The following MYT1L variants were observed in gnomAD, a reference collection of about 807,000 sequenced individuals.
MYT1L encodes the protein myelin transcription factor 1 like.
MYT1L carries 12 observed loss-of-function variants against 126.7 expected under a neutral mutation model. The observed-to-expected ratio is 0.09, with a 90% confidence interval of 0.06 to 0.15. The LOEUF (loss-of-function observed/expected upper bound fraction) is 0.15. MYT1L is among the 10% of genes least tolerant of loss of function. The pLI, the probability that MYT1L is intolerant of heterozygous loss-of-function variation, is 1.00. For synonymous variants in MYT1L, 541 were observed against 604.2 expected, an observed-to-expected ratio of 0.90 and a Z score of 1.53; for missense variants, 979 against 1,585.2, an observed-to-expected ratio of 0.62 and a Z score of 6.49.
rs113480628 is a variant in MYT1L, at chr2:1,801,553, A to G, written c.3276+143T>C. On this transcript the variant is annotated intron_variant, in intron 23 of 24. Coordinates refer to ENST00000647738, the MANE Select transcript of MYT1L (RefSeq NM_001303052.2). This position sits in a 1 kb window ranked among gnomAD's most constrained non-coding sequence, Gnocchi z 4.2. Reference sequence around the variant, plus strand: ...CACGGAATGGTGTCTGCGGAAGACCAATATCATAAGGTGGAAAAATAAAGG... The same window carrying G: ...CACGGAATGGTGTCTGCGGAAGACCGATATCATAAGGTGGAAAAATAAAGG... The G allele has an allele frequency of 1.0e-3, 620 of 616,860 alleles. 5 individuals carry two copies. Among genetic ancestry groups the G allele is most frequent in the African/African-American group, 9.7e-3 (528 of 54,260 alleles). 38.2% of individuals were successfully genotyped at this position (616,860 alleles called of 1,614,324 possible).
intron 5 of MYT1L, among the ~76,000 whole-genome samples, chr2:1,980,212 T>TTA (rs1265751567): frequency 6.8e-6 from 1 of 147,720 alleles, no homozygotes; most frequent in Non-Finnish European, 1.5e-5. Context: ...AAACAAATAT[T>TTA]TATATATATA....
In MYT1L at chr2:2,015,698, A is replaced by G. The variant is rs184789218; in HGVS notation, c.-157-18351T>C. Among the ~76,000 whole-genome samples, 640 of 152,318 alleles carry G rather than the reference A, an allele frequency of 4.2e-3. 7 individuals are homozygous for G. Among genetic ancestry groups the G allele is most frequent in the African/African-American group, 0.015 (611 of 41,562 alleles). On this transcript the variant is annotated intron_variant, in intron 4 of 24. Coordinates refer to ENST00000647738, the MANE Select transcript of MYT1L (RefSeq NM_001303052.2). ...AGGTGGAAGGAGAAGCCTGTGAGGC[A>G]AGGGAAGGAGGGGGCGGGAGGAACT...
intron 8 of MYT1L, among the ~76,000 whole-genome samples, chr2:1,974,057 G>A (rs1242267822): frequency 6.6e-6 from 1 of 152,246 alleles, no homozygotes; most frequent in Non-Finnish European, 1.5e-5. Context: ...CACCGGGACA[G>A]CTTCTGTCTT....
At chr2:1,907,131 TA>T (rs764875574) in intron 13 of MYT1L, among the ~76,000 whole-genome samples, 59 of 135,112 alleles carry the variant, frequency 4.4e-4, no homozygotes, top group Middle Eastern at 3.7e-3. Flanking sequence ...TTTTTTTAAT[TA>T]AAAAAAAAAA....
chr2:2,002,074 TTCTTAATATGTATGACATCC>T (rs1186192817), intron 4 of MYT1L, among the ~76,000 whole-genome samples: 1 of 152,204 alleles, frequency 6.6e-6, no homozygotes, highest in Non-Finnish European at 1.5e-5. Context: ...GAACAACACC[TTCTTAATATGTATGACATCC>T]TCAAATGCTT....
chr2:1,854,379 G>A (rs1222190687), intron 18 of MYT1L, among the ~76,000 whole-genome samples: 1 of 152,002 alleles, frequency 6.6e-6, no homozygotes. Flanking sequence ...ACATATGGAG[G>A]GCTCTACCCA....
At chr2:2,079,880 G>A (rs969171936) in intron 3 of MYT1L, among the ~76,000 whole-genome samples, 5 of 151,784 alleles carry the variant, frequency 3.3e-5, no homozygotes, top group Non-Finnish European at 7.4e-5. Flanking sequence ...TAGTCTTCTG[G>A]ATTTTAAAAA....
intron 4 of MYT1L, among the ~76,000 whole-genome samples, chr2:2,050,396 A>G (rs2068697800): frequency 6.6e-6 from 1 of 152,114 alleles, no homozygotes; most frequent in African/African-American, 2.4e-5. Flanking sequence ...GTTTTTCGGG[A>G]AACAGATATT....
chr2:2,329,498 TTAAA>T (rs1464577253), intron 1 of MYT1L, among the ~76,000 whole-genome samples: 2 of 152,196 alleles, frequency 1.3e-5, no homozygotes, highest in Non-Finnish European at 2.9e-5. Flanking sequence ...TGATGTCACT[TTAAA>T]TAATCTTCAT....
At chr2:1,867,036 G>C (rs1381939070) in intron 18 of MYT1L, among the ~76,000 whole-genome samples, 2 of 141,426 alleles carry the variant, frequency 1.4e-5, no homozygotes, top group African/African-American at 5.3e-5. Context: ...AGAGGGAGAG[G>C]GGCAGCCAGG....
At position 1,887,674 on chromosome 2, in the gene MYT1L, G is replaced by A; in HGVS notation, c.2521-65C>T. On this transcript the variant is annotated intron_variant, in intron 16 of 24. Transcript: ENST00000647738. This position sits in a 1 kb window ranked among gnomAD's most constrained non-coding sequence, Gnocchi z 4.8. The stretch of plus-strand genomic sequence containing the variant: ...ACATGGCACACAGACTGAGGGAGGT[G>A]GTTCGTGGCTCTGGGGTGGCCTCTA... 6.2e-7 allele frequency: 1 copy of A among 1,607,620 alleles called. No homozygotes were observed. Among genetic ancestry groups the A allele is most frequent in the Non-Finnish European group, 8.5e-7 (1 of 1,175,472 alleles).
intron 3 of MYT1L, among the ~76,000 whole-genome samples, chr2:2,166,187 C>T (rs549218882): frequency 2.0e-4 from 30 of 152,184 alleles, no homozygotes; most frequent in African/African-American, 7.2e-4. Context: ...CTGTTTTCTT[C>T]CTTCCCTCCT....
chr2:2,213,567 A>T (rs1184574637), intron 2 of MYT1L, among the ~76,000 whole-genome samples: 1 of 152,236 alleles, frequency 6.6e-6, no homozygotes, highest in East Asian at 1.9e-4. Context: ...TGTTCTCGTC[A>T]GCCAGGTGCT....
At chr2:2,030,538 G>C (rs2066120032) in intron 4 of MYT1L, among the ~76,000 whole-genome samples, 1 of 152,146 alleles carries the variant, frequency 6.6e-6, no homozygotes, top group Non-Finnish European at 1.5e-5. Context: ...TGTAATGAGT[G>C]ATTAAGATTT....
rs1216140793 is a variant in MYT1L at position 1,790,174 on chromosome 2, T to C, written c.*1693A>G. 6.6e-6 allele frequency: 1 copy of C among 152,190 alleles called. No homozygotes were observed. Among genetic ancestry groups the C allele is most frequent in the Non-Finnish European group, 1.5e-5 (1 of 68,040 alleles). 9.4% of individuals were successfully genotyped at this position (152,190 alleles called of 1,614,324 possible). On this transcript the variant is annotated 3_prime_UTR_variant, in exon 25 of 25. Coordinates refer to ENST00000647738, the MANE Select transcript of MYT1L (RefSeq NM_001303052.2). ...TAAGTGCAAATAGTCGACTGGCACA[T>C]TGTGGGGACAATGACCCTGTAAGTC...
chr2:2,275,081 C>T (rs1476512043), intron 2 of MYT1L, among the ~76,000 whole-genome samples: 1 of 152,012 alleles, frequency 6.6e-6, no homozygotes, highest in Non-Finnish European at 1.5e-5. Context: ...GGGGTGGGGA[C>T]CACAGCTGGA....
At chr2:1,940,031 CA>C (rs1375115577) in intron 9 of MYT1L, among the ~76,000 whole-genome samples, 1 of 152,244 alleles carries the variant, frequency 6.6e-6, no homozygotes, top group African/African-American at 2.4e-5. Flanking sequence ...AAGGGCCCCG[CA>C]AGGGCATGCA....
intron 22 of MYT1L, among the ~76,000 whole-genome samples, chr2:1,805,606 C>A (rs1400521390): frequency 1.3e-5 from 2 of 152,238 alleles, no homozygotes; most frequent in East Asian, 1.9e-4. Flanking sequence ...ATATTTAAGG[C>A]CAGGCATAGT....
rs114961815 is a variant in MYT1L at position 2,282,219 on chromosome 2, C to T, written c.-421+2185G>A. ...TTCTATCATTTACATATCACCACTG[C>T]CTCACACAGTGTATTGCACGTAGTA... On this transcript the variant is annotated intron_variant, in intron 2 of 24. Coordinates refer to ENST00000647738, the MANE Select transcript of MYT1L (RefSeq NM_001303052.2). Among the ~76,000 whole-genome samples, 1,053 of 152,282 alleles carry T rather than the reference C, an allele frequency of 6.9e-3. 13 individuals carry two copies. Among genetic ancestry groups the T allele is most frequent in the African/African-American group, 0.024 (993 of 41,544 alleles).
Sources: allele counts gnomAD v4.1 joint callset (sites outside exome capture counted in the v4.1 genomes callset), GRCh38; gene constraint gnomAD v4.1.1; non-coding constraint Gnocchi (gnomAD v3.1); transcripts MANE v1.5; gene names NCBI Gene and HGNC (gene_info 2026-07-23, HGNC 2026-07-21).